The following FABP6 variants were observed in gnomAD, a reference collection of about 807,000 sequenced individuals.
FABP6 encodes the protein gastrotropin.
In FABP6, 13 loss-of-function variants were observed where a neutral mutation model predicts 14.9. The observed-to-expected ratio is 0.87, with a 90% CI of 0.57 to 1.39. FABP6 has a LOEUF of 1.39. Among genes scored for constraint, FABP6 ranks in the 40% most tolerant of loss-of-function variants. The pLI is 0.00. For synonymous variants in FABP6, 75 were observed against 63.6 expected (o/e 1.18, Z -0.85); for missense variants, 161 against 167.2 (o/e 0.96, Z 0.20).
At chr5:160,199,983 G>A (rs1759602244) in intron 2 of FABP6, among the ~76,000 whole-genome samples, 1 of 152,172 alleles carries the variant, frequency 6.6e-6, no homozygotes, top group Non-Finnish European at 1.5e-5. Context: ...CCGTGCAGGC[G>A]CACCACACAG....
At chr5:160,202,677 G>A (rs1340215138) in intron 2 of FABP6, among the ~76,000 whole-genome samples, 2 of 151,862 alleles carry the variant, frequency 1.3e-5, no homozygotes, top group South Asian at 4.2e-4. Flanking sequence ...GGTGTCAGGC[G>A]CCTGTAGTCC....
chr5:160,229,490 T>A, upstream of FABP6: 1 of 1,610,426 alleles, frequency 6.2e-7, no homozygotes, highest in South Asian at 1.1e-5. Flanking sequence ...TAAGCTGGGA[T>A]AGCAGACCCC....
intron 2 of FABP6, among the ~76,000 whole-genome samples, chr5:160,234,122 C>T (rs1388748239): frequency 6.6e-6 from 1 of 152,168 alleles, no homozygotes; most frequent in Non-Finnish European, 1.5e-5. Flanking sequence ...TGGTCCAGAA[C>T]ACATAGCCCT....
At chr5:160,198,176 G>C (rs773062421) in intron 1 of FABP6, 1 of 151,880 alleles carries the variant, frequency 6.6e-6, no homozygotes, top group South Asian at 2.1e-4. Context: ...GGGACCTGGG[G>C]CTATATCTGG....
chr5:160,215,144 C>T (rs1458468300), intron 3 of FABP6, among the ~76,000 whole-genome samples: 1 of 152,194 alleles, frequency 6.6e-6, no homozygotes, highest in Non-Finnish European at 1.5e-5. Flanking sequence ...ATTTTCCTAA[C>T]CTCACTGTCC....
rs1458448683 is a variant in FABP6, at chr5:160,213,963, A to C, written c.135+144A>C. 9 of 691,584 alleles carry C rather than the reference A, an allele frequency of 1.3e-5. 1 individual carries two copies. The South Asian group carries it at 1.4e-4, about 11-fold the overall frequency. 42.8% of individuals were successfully genotyped at this position (691,584 alleles called of 1,614,324 possible). A position where few individuals can be genotyped will look rare whatever the true frequency, so the allele number is the denominator to read the frequency against. ...TTAGAATATTAGGTTGCACCATCTG[A>C]AATTGTTGTTTTTATAGGTCAAAAA... is the stretch of plus-strand genomic sequence containing the variant. On this transcript the variant is annotated intron_variant, in intron 3 of 6. Coordinates refer to the FABP6 transcript ENST00000393980.
chr5:160,234,724 G>T (rs1481636285), intron 2 of FABP6, 96 bp from the exon 3 acceptor site: 8 of 892,172 alleles, frequency 9.0e-6, no homozygotes, highest in Non-Finnish European at 1.4e-5. Context: ...ACCGTGCCTG[G>T]CCTTGGTAAA....
chr5:160,197,603 C>T (rs1466633160), intron 1 of FABP6: 1 of 152,232 alleles, frequency 6.6e-6, no homozygotes, highest in East Asian at 1.9e-4. Context: ...TGGCGCCGAT[C>T]ATTCTTTGTT....
intron 3 of FABP6, among the ~76,000 whole-genome samples, chr5:160,221,705 G>C (rs1350455402): frequency 2.8e-5 from 3 of 106,592 alleles, no homozygotes; most frequent in African/African-American, 1.4e-4. Context: ...AATAATGGAT[G>C]GAGTTTTTTT....
At chr5:160,237,822 C>T (rs997017314) in intron 3 of FABP6, among the ~76,000 whole-genome samples, 1 of 152,210 alleles carries the variant, frequency 6.6e-6, no homozygotes, top group Non-Finnish European at 1.5e-5. Flanking sequence ...CCTTTCTGTG[C>T]CATGTGCTTC....
intron 1 of FABP6, chr5:160,197,444 T>A (rs910231297): frequency 1.6e-4 from 25 of 152,228 alleles, no homozygotes; most frequent in African/African-American, 5.8e-4. Flanking sequence ...CTTGGGTGAA[T>A]AATACTATGT....
chr5:160,225,255 C>A (rs748255751), upstream of FABP6, among the ~76,000 whole-genome samples: 1 of 146,996 alleles, frequency 6.8e-6, no homozygotes, highest in African/African-American at 2.5e-5. Context: ...CACCACCACA[C>A]CTGGCTAATT....
At chr5:160,217,179 G>T (rs1446001476) in intron 3 of FABP6, among the ~76,000 whole-genome samples, 2 of 152,148 alleles carry the variant, frequency 1.3e-5, no homozygotes, top group African/African-American at 4.8e-5. Flanking sequence ...GATGCTCCAT[G>T]GGGGCAGCAA....
rs748985417 is a variant in FABP6, at chr5:160,188,466, A to G, written c.-59+1012A>G. Among the ~76,000 whole-genome samples the G allele has an allele frequency of 1.5e-3, 221 of 152,298 alleles. 1 individual carries two copies. Among genetic ancestry groups the G allele is most frequent in the Non-Finnish European group, 2.6e-3 (174 of 68,012 alleles). ...GGAGGGATTGGGGGGCCCTTGCTCC[A>G]AAGCCAAAGAGCGGGAAACAGGAAC... On this transcript the variant is annotated intron_variant, in intron 1 of 6. Transcript: ENST00000393980.
At chr5:160,208,444 AAAAAG>A (rs1759814891) in intron 2 of FABP6, among the ~76,000 whole-genome samples, 3 of 152,286 alleles carry the variant, frequency 2.0e-5, no homozygotes, top group Admixed American at 1.3e-4. Flanking sequence ...TCTCTTAAAA[AAAAAG>A]AAAAAAGTTG....
At chr5:160,236,978 CA>C (rs1004812561) in intron 3 of FABP6, among the ~76,000 whole-genome samples, 256 of 151,156 alleles carry the variant, frequency 1.7e-3, no homozygotes, top group African/African-American at 5.9e-3. Flanking sequence ...AACTCTGTCT[CA>C]AAAAAAATAA....
intron 1 of FABP6, among the ~76,000 whole-genome samples, chr5:160,194,772 C>A (rs1759476972): frequency 1.3e-5 from 2 of 152,072 alleles, no homozygotes; most frequent in Admixed American, 1.3e-4. Context: ...CTTTAGATCC[C>A]CTGTCCTGAT....
At chr5:160,192,309 A>T (rs1480623471) in intron 1 of FABP6, among the ~76,000 whole-genome samples, 1 of 142,814 alleles carries the variant, frequency 7.0e-6, no homozygotes, top group East Asian at 2.1e-4. Context: ...CTACAGGCTC[A>T]TACCACTGTG....
chr5:160,225,443 C>T (rs2113129129), upstream of FABP6, among the ~76,000 whole-genome samples: 1 of 149,816 alleles, frequency 6.7e-6, no homozygotes. Flanking sequence ...GCTCTGTCCC[C>T]CAGGCTGGAG....
Sources: allele counts gnomAD v4.1 joint callset (sites outside exome capture counted in the v4.1 genomes callset), GRCh38; gene constraint gnomAD v4.1.1; transcripts MANE v1.5; gene names NCBI Gene and HGNC (gene_info 2026-07-23, HGNC 2026-07-21).